Variants in CMIP observed in about 807,000 individuals in gnomAD.
The protein encoded by CMIP is c-Maf inducing protein.
A neutral mutation model predicts 97.3 loss-of-function variants in CMIP; 13 were observed. The observed-to-expected ratio is 0.13, with a 90% CI of 0.09 to 0.21. The LOEUF is 0.21. Ranked by LOEUF, CMIP falls within the 10% of genes least tolerant of loss-of-function variation. CMIP has a pLI of 1.00. For synonymous variants in CMIP, 538 were observed against 436.3 expected (o/e 1.23, Z -2.91); for missense variants, 847 against 1,024.9 (o/e 0.83, Z 2.37).
At chr16:81,510,550 G>C (rs1334713466) in intron 1 of CMIP, among the ~76,000 whole-genome samples, 1 of 152,106 alleles carries the variant, frequency 6.6e-6, no homozygotes, top group East Asian at 1.9e-4. Context: ...CACACAACCA[G>C]CCAGGCACAA....
chr16:81,675,370 A>ATTTTT (rs35314200), intron 9 of CMIP, among the ~76,000 whole-genome samples: 5 of 123,378 alleles, frequency 4.1e-5, no homozygotes, highest in Non-Finnish European at 8.6e-5. Flanking sequence ...CACCTGGCTA[A>ATTTTT]TTTTTTTTTT....
At chr16:81,592,452 C>G (rs995090501) in intron 1 of CMIP, among the ~76,000 whole-genome samples, 6 of 152,228 alleles carry the variant, frequency 3.9e-5, no homozygotes, top group African/African-American at 1.2e-4. Flanking sequence ...CTGGGCAGCC[C>G]TCCCCGTGTT....
chr16:81,509,779 G>T (rs1182517428), intron 1 of CMIP, among the ~76,000 whole-genome samples: 2 of 152,136 alleles, frequency 1.3e-5, no homozygotes, highest in Non-Finnish European at 2.9e-5. Context: ...CTTGGGGCTG[G>T]GTCTTAACTG....
intron 1 of CMIP, among the ~76,000 whole-genome samples, chr16:81,594,607 AGTTTTTGTTTTT>A (rs1040177788): frequency 1.3e-5 from 2 of 151,640 alleles, no homozygotes; most frequent in Non-Finnish European, 2.9e-5. Context: ...CCTATGATAA[AGTTTTTGTTTTT>A]GTTTTTGTTT....
At chr16:81,542,448 G>C (rs535794837) in intron 1 of CMIP, among the ~76,000 whole-genome samples, 106 of 152,294 alleles carry the variant, frequency 7.0e-4, no homozygotes, top group African/African-American at 2.3e-3. Flanking sequence ...TGGCGTGCGT[G>C]ATCTTGAGAG....
intron 1 of CMIP, among the ~76,000 whole-genome samples, chr16:81,501,899 A>G (rs1435869239): frequency 2.0e-5 from 3 of 152,232 alleles, no homozygotes; most frequent in Admixed American, 2.0e-4. Flanking sequence ...GGCGTGAGCC[A>G]TTCTGCTACT....
chr16:81,708,490 T>G (rs2151112206), intron 20 of CMIP, among the ~76,000 whole-genome samples: 1 of 152,320 alleles, frequency 6.6e-6, no homozygotes, highest in Non-Finnish European at 1.5e-5. Flanking sequence ...AAAGGCCCCT[T>G]GGGAAGAAAA....
chr16:81,666,735 G>C (rs1345478923), intron 7 of CMIP: 1 of 152,238 alleles, frequency 6.6e-6, no homozygotes, highest in Non-Finnish European at 1.5e-5. Context: ...GGCGGCGGCA[G>C]AGGAGAACTG....
chr16:81,595,738 G>A (rs75796741), intron 1 of CMIP, among the ~76,000 whole-genome samples: 36 of 152,010 alleles, frequency 2.4e-4, no homozygotes, highest in African/African-American at 8.7e-4. Context: ...TTTTTTTATC[G>A]CTGCATAATA....
At chr16:81,482,620 C>G (rs2089243420) in intron 1 of CMIP, among the ~76,000 whole-genome samples, 1 of 152,134 alleles carries the variant, frequency 6.6e-6, no homozygotes, top group African/African-American at 2.4e-5. Flanking sequence ...GAAGCCCCTG[C>G]CCCTCCCCCA....
chr16:81,452,382 A>G (rs935796000), intron 1 of CMIP, among the ~76,000 whole-genome samples: 1 of 152,162 alleles, frequency 6.6e-6, no homozygotes, highest in Non-Finnish European at 1.5e-5. Flanking sequence ...CGGTGCTTTC[A>G]TGCCTCCATT....
intron 7 of CMIP, among the ~76,000 whole-genome samples, chr16:81,668,693 C>T (rs1464791119): frequency 6.6e-6 from 1 of 152,084 alleles, no homozygotes; most frequent in Admixed American, 6.5e-5. Flanking sequence ...TCCCTGTCCC[C>T]TCATCATAGT....
chr16:81,470,614 A>G (rs1328067777), intron 1 of CMIP, among the ~76,000 whole-genome samples: 2 of 152,242 alleles, frequency 1.3e-5, no homozygotes, highest in East Asian at 3.8e-4. Context: ...TAGGAAATTG[A>G]GATTTAAAAA....
chr16:81,457,957 G>A lies in CMIP; in HGVS notation c.300+12416G>A, dbSNP rs542069257. On this transcript the variant is annotated intron_variant, in intron 1 of 20. Coordinates refer to ENST00000537098, the MANE Select transcript of CMIP (RefSeq NM_198390.3). ...ATCCCTCCCGACTGACCTCCCCCTC[G>A]CTGTCCCTGCCTTCGCCCTGATGAC... is the stretch of plus-strand genomic sequence containing the variant. Among the ~76,000 whole-genome samples the A allele has an allele frequency of 2.3e-4, 35 of 152,284 alleles. 1 individual carries two copies. In the South Asian group the frequency reaches 6.4e-3, roughly 28 times the overall value.
At chr16:81,534,047 C>G (rs1192609097) in intron 1 of CMIP, 1 of 152,230 alleles carries the variant, frequency 6.6e-6, no homozygotes, top group Non-Finnish European at 1.5e-5. Flanking sequence ...AGCTACTGCT[C>G]ACGGCTACCA....
chr16:81,696,111 G>C (rs971875785), intron 13 of CMIP: 8 of 223,892 alleles, frequency 3.6e-5, no homozygotes, highest in Non-Finnish European at 6.3e-5. Flanking sequence ...AGAGGAGTTA[G>C]AAACACAGAG....
intron 1 of CMIP, among the ~76,000 whole-genome samples, chr16:81,521,814 A>G (rs2090033477): frequency 6.6e-6 from 1 of 152,146 alleles, no homozygotes; most frequent in Non-Finnish European, 1.5e-5. Context: ...CTTTTCTACA[A>G]TTGGGAGTTG....
At chr16:81,634,490 C>T (rs1476572155) in intron 3 of CMIP, among the ~76,000 whole-genome samples, 1 of 152,150 alleles carries the variant, frequency 6.6e-6, no homozygotes, top group African/African-American at 2.4e-5. Context: ...GGTTACTCTG[C>T]CAGAATCCCC....
At chr16:81,554,989 G>A (rs967522427) in intron 1 of CMIP, among the ~76,000 whole-genome samples, 3 of 152,168 alleles carry the variant, frequency 2.0e-5, no homozygotes, top group African/African-American at 7.2e-5. Flanking sequence ...TTGGTCCCTG[G>A]TAAGTCTGCC....
Sources: allele counts gnomAD v4.1 joint callset (sites outside exome capture counted in the v4.1 genomes callset), GRCh38; gene constraint gnomAD v4.1.1; transcripts MANE v1.5; gene names NCBI Gene and HGNC (gene_info 2026-07-23, HGNC 2026-07-21).